Variants in PTGIR observed in about 807,000 individuals in gnomAD.
PTGIR encodes prostacyclin receptor.
In PTGIR, 16 loss-of-function variants were observed where a neutral mutation model predicts 17.6. That is an observed-to-expected ratio of 0.91 (90% CI 0.61 to 1.38). PTGIR has a LOEUF of 1.38. Among genes scored for constraint, PTGIR ranks in the 40% most tolerant of loss-of-function variants. PTGIR has a pLI of 0.00. For synonymous variants in PTGIR, 274 were observed against 255.4 expected, an observed-to-expected ratio of 1.07 and a Z score of -0.69; for missense variants, 532 against 548.6, an observed-to-expected ratio of 0.97 and a Z score of 0.30.
chr19:46,620,851 T>G lies in PTGIR; in HGVS notation c.*429A>C. 6.1e-6 allele frequency: 6 copies of G among 989,276 alleles called. No homozygotes were observed. Among genetic ancestry groups the G allele is most frequent in the Non-Finnish European group, 7.2e-6 (6 of 832,580 alleles). The allele number at this position is 989,276 out of a possible 1,614,324, so 61.3% of individuals were successfully genotyped here. ...GAAAGGGGCTGGCTCTTGGAGTGGC[T>G]TGGTAGAGGGGGAGGGCCATCCCCT... On this transcript the variant is annotated 3_prime_UTR_variant, in exon 3 of 3. Transcript: ENST00000291294.
chr19:46,615,788 G>A (rs748265919), downstream of PTGIR, among the ~76,000 whole-genome samples: 7 of 150,464 alleles, frequency 4.7e-5, no homozygotes, highest in Non-Finnish European at 1.0e-4. Context: ...TTACAGGAGT[G>A]AGCCCCCACG....
At chr19:46,613,892 C>T in the PTGIR span, among the ~76,000 whole-genome samples, 1 of 152,216 alleles carries the variant, frequency 6.6e-6, no homozygotes, top group Non-Finnish European at 1.5e-5. Context: ...CATCCCGGTA[C>T]CCATGCTTCT....
At chr19:46,619,832 A>C (rs983307912), downstream of PTGIR, among the ~76,000 whole-genome samples, 7 of 152,054 alleles carry the variant, frequency 4.6e-5, no homozygotes, top group African/African-American at 1.7e-4. Context: ...GGAGAGTAGG[A>C]AAGGGGAACT....
In PTGIR at chr19:46,624,163, G is replaced by C. The variant is rs1441708267; in HGVS notation, c.63C>G (p.Thr21=). Residue 21 remains threonine, a synonymous_variant, in exon 2 of 3, where the codon ACC becomes ACG. Coordinates refer to ENST00000291294, the MANE Select transcript of PTGIR (RefSeq NM_000960.4). The part of the protein sequence containing the change: ...VRGSVGPATS[T]LMFVAGVVGN... The stretch of plus-strand genomic sequence containing the variant: ...CCACCACACCGGCCACGAACATCAG[G>C]GTGCTGGTGGCCGGCCCCACCGAGC... 2 of 1,506,264 alleles carry C rather than the reference G, an allele frequency of 1.3e-6. No individual in the cohort carries two copies. Among genetic ancestry groups the C allele is most frequent in the South Asian group, 1.3e-5 (1 of 79,686 alleles). 93.3% of individuals were successfully genotyped at this position (1,506,264 alleles called of 1,614,324 possible).
At chr19:46,622,219 G>T (rs1431202082) in intron 2 of PTGIR, 3 of 985,406 alleles carry the variant, frequency 3.0e-6, no homozygotes, top group Non-Finnish European at 3.6e-6. Flanking sequence ...CATTGGGGAG[G>T]GGCAGGACGG....
chr19:46,617,170 G>A (rs1971974541), downstream of PTGIR, among the ~76,000 whole-genome samples: 1 of 152,246 alleles, frequency 6.6e-6, no homozygotes, highest in Non-Finnish European at 1.5e-5. Flanking sequence ...GCCTGCAGGG[G>A]GGTGGGAGCG....
Position 46,620,665 on chromosome 19 carries a change from C to T in PTGIR, c.*615G>A. 1 of 985,996 alleles carries T rather than the reference C, an allele frequency of 1.0e-6. No homozygotes were observed. Among genetic ancestry groups the T allele is most frequent in the Non-Finnish European group, 1.2e-6 (1 of 830,018 alleles). 61.1% of individuals were successfully genotyped at this position (985,996 alleles called of 1,614,324 possible). On this transcript the variant is annotated 3_prime_UTR_variant, in exon 3 of 3. Coordinates refer to ENST00000291294, the MANE Select transcript of PTGIR (RefSeq NM_000960.4). ...CAAGCTAGGTGGAATGTCTCAGGCC[C>T]TTTTTGTACCAAGCACATGTCCTAC...
downstream of PTGIR, among the ~76,000 whole-genome samples, chr19:46,615,948 C>G (rs1971956351): frequency 6.6e-6 from 1 of 152,006 alleles, no homozygotes. Flanking sequence ...AATATAGGCA[C>G]AGACCACCAC....
chr19:46,623,988 A>G lies in PTGIR; in HGVS notation c.238T>C (p.Ser80Pro). 6.4e-7 allele frequency: 1 copy of G among 1,562,788 alleles called. No homozygotes were observed. The highest frequency in any genetic ancestry group is 8.7e-7 in the Non-Finnish European group (1 of 1,153,350). ...AVFVAYARNS[S>P]LLGLARGGPA... ...CCGCCTCGGGCCAGGCCCAGCAGGGAGCTGTTGCGCGCATAGGCCACGAAC... is the reference window on the plus strand; with the variant it reads ...CCGCCTCGGGCCAGGCCCAGCAGGGGGCTGTTGCGCGCATAGGCCACGAAC... The change falls in exon 2 of 3, where the codon TCC (serine) becomes CCC (proline). Residue 80 changes from serine to proline, a missense_variant. Transcript: ENST00000291294.
the PTGIR span, among the ~76,000 whole-genome samples, chr19:46,615,132 T>C: frequency 6.6e-6 from 1 of 152,056 alleles, no homozygotes; most frequent in African/African-American, 2.4e-5. Flanking sequence ...GAGGTTGCAG[T>C]GAGCCGAGAT....
In PTGIR at chr19:46,620,580, C is replaced by T; in HGVS notation, c.*700G>A. ...TCCGCAGCCCCCACCCTTCATCTGC[C>T]AGCTTCTCCATCTGTCTCCCCACCA... On this transcript the variant is annotated 3_prime_UTR_variant, in exon 3 of 3. Transcript: ENST00000291294. The T allele has an allele frequency of 1.0e-6, 1 of 985,332 alleles. No individual in the cohort carries two copies. 61.0% of individuals were successfully genotyped at this position (985,332 alleles called of 1,614,324 possible).
At chr19:46,622,525 G>A in intron 2 of PTGIR, 1 of 420,810 alleles carries the variant, frequency 2.4e-6, no homozygotes, top group Non-Finnish European at 3.2e-6. Context: ...AGTGCTCAAT[G>A]AGTGGTGGTC....
downstream of PTGIR, among the ~76,000 whole-genome samples, chr19:46,617,269 A>G (rs1223708146): frequency 1.3e-5 from 2 of 152,180 alleles, no homozygotes; most frequent in African/African-American, 4.8e-5. Context: ...CTCTCTGGAC[A>G]GGACCCGGGC....
chr19:46,621,067 A>T lies in PTGIR; in HGVS notation c.*213T>A. 1 of 1,250,360 alleles carries T rather than the reference A, an allele frequency of 8.0e-7. No homozygotes were observed. Among genetic ancestry groups the T allele is most frequent in the Non-Finnish European group, 1.0e-6 (1 of 998,390 alleles). 77.5% of individuals were successfully genotyped at this position (1,250,360 alleles called of 1,614,324 possible). ...GGCCACTGGTTATTTTGAGAGAACCATTCTTTCTGCACTCCAGGATAAACG... is the reference window on the plus strand; with the variant it reads ...GGCCACTGGTTATTTTGAGAGAACCTTTCTTTCTGCACTCCAGGATAAACG... On this transcript the variant is annotated 3_prime_UTR_variant, in exon 3 of 3. Coordinates refer to ENST00000291294, the MANE Select transcript of PTGIR (RefSeq NM_000960.4). The surrounding 1 kb of genome is among the most constrained non-coding windows in gnomAD (Gnocchi z 4.8).
Position 46,624,110 on chromosome 19 carries a change from C to T in PTGIR, c.116G>A (p.Ser39Asn), listed in dbSNP as rs200018991. The change falls in exon 2 of 3, where the codon AGC (serine) becomes AAC (asparagine). Residue 39 changes from serine (S) to asparagine (N), a missense_variant. By Grantham distance (46) the Ser-to-Asn change is conservative. Coordinates refer to ENST00000291294, the MANE Select transcript of PTGIR (RefSeq NM_000960.4). ...CGAGGGGCGCGCCGGTCGCCGTGCG[C>T]TCAGGATGCCCAGGGCCAGCCCGTT... Reference protein sequence around the residue: ...VGNGLALGILSARRPARPSAF... With the variant: ...VGNGLALGILNARRPARPSAF... 1.4e-5 allele frequency: 21 copies of T among 1,539,740 alleles called. No homozygotes were observed. Among genetic ancestry groups the T allele is most frequent in the Non-Finnish European group, 1.4e-5 (16 of 1,149,288 alleles).
At chr19:46,617,040 G>A (rs762637451), downstream of PTGIR, among the ~76,000 whole-genome samples, 1 of 152,252 alleles carries the variant, frequency 6.6e-6, no homozygotes, top group Non-Finnish European at 1.5e-5. Context: ...TGTTTTTGAC[G>A]GATGGAAAAG....
downstream of PTGIR, among the ~76,000 whole-genome samples, chr19:46,619,698 T>G (rs941336055): frequency 2.6e-5 from 4 of 151,064 alleles, no homozygotes; most frequent in Non-Finnish European, 4.4e-5. Context: ...GGTTGCCCTG[T>G]GGATGGAGTG....
chr19:46,619,674 G>GAAAGAAAGAAAGAA (rs1972031473), downstream of PTGIR, among the ~76,000 whole-genome samples: 1 of 130,634 alleles, frequency 7.7e-6, no homozygotes, highest in African/African-American at 3.0e-5. Flanking sequence ...AAGAAAGAAA[G>GAAAGAAAGAAAGAA]AGGATTTATA....
rs577122089 is a variant in PTGIR, at chr19:46,624,079, G to T, written c.147C>A (p.Phe49Leu). ...SARRPARPSA[F>L]AVLVTGLAAT... is the part of the protein sequence containing the mutation. ...CCGCCAGTCCGGTCACCAGCACCGC[G>T]AAGGCCGAGGGGCGCGCCGGTCGCC... Residue 49 changes from phenylalanine to leucine, a missense_variant, in exon 2 of 3, where the codon TTC becomes TTA. Physicochemically the swap from Phe to Leu is conservative, Grantham distance 22. Coordinates refer to ENST00000291294, the MANE Select transcript of PTGIR (RefSeq NM_000960.4). 3.4e-5 allele frequency: 52 copies of T among 1,542,074 alleles called. No homozygotes were observed. Among genetic ancestry groups the T allele is most frequent in the Non-Finnish European group, 4.0e-5 (46 of 1,148,538 alleles).
Sources: allele counts gnomAD v4.1 joint callset (sites outside exome capture counted in the v4.1 genomes callset), GRCh38; gene constraint gnomAD v4.1.1; non-coding constraint Gnocchi (gnomAD v3.1); transcripts MANE v1.5; gene names NCBI Gene and HGNC (gene_info 2026-07-23, HGNC 2026-07-21).